The following FLNB variants were observed in gnomAD, a reference collection of about 807,000 sequenced individuals.
FLNB encodes the protein filamin B.
Under a neutral mutation model 250.6 loss-of-function variants are expected in FLNB, and 111 were observed. That is an observed-to-expected ratio of 0.44 (90% CI 0.38 to 0.52). FLNB has a LOEUF of 0.52. FLNB is among the 20% of genes least tolerant of loss of function. FLNB has a pLI of 0.00. For synonymous variants in FLNB, 1,302 were observed against 1,372.1 expected (o/e 0.95, Z 1.13); for missense variants, 2,869 against 3,447.8 (o/e 0.83, Z 4.20).
intron 41 of FLNB, among the ~76,000 whole-genome samples, chr3:58,157,014 C>T (rs113034459): frequency 3.3e-5 from 5 of 152,136 alleles, no homozygotes; most frequent in East Asian, 1.9e-4. Context: ...GTGCCCTTAA[C>T]GGCAACCTCT....
rs146072498 is a variant in FLNB, at chr3:58,062,335, G to A, written c.293-14711G>A. 4.1e-3 allele frequency among the ~76,000 whole-genome samples: 624 copies of A among 152,166 alleles called. 6 individuals carry two copies. Among genetic ancestry groups the A allele is most frequent in the African/African-American group, 0.014 (585 of 41,524 alleles). ...ACATCATAGAAGCCTATTCATATTG[G>A]AACAAACAAACATTTCTTATTCTTT... On this transcript the variant is annotated intron_variant, in intron 1 of 45. Coordinates refer to ENST00000295956, the MANE Select transcript of FLNB (RefSeq NM_001457.4).
intron 1 of FLNB, among the ~76,000 whole-genome samples, chr3:58,069,659 A>G (rs2097191238): frequency 6.6e-6 from 1 of 152,102 alleles, no homozygotes; most frequent in Admixed American, 6.5e-5. Context: ...AGCAACACCA[A>G]GAACCACCTA....
At chr3:58,106,287 A>G (rs1312568546) in intron 11 of FLNB, among the ~76,000 whole-genome samples, 1 of 151,560 alleles carries the variant, frequency 6.6e-6, no homozygotes, top group Non-Finnish European at 1.5e-5. Flanking sequence ...CATCTCCAAC[A>G]GAAGGGTTTG....
chr3:58,033,720 T>C (rs839235), intron 1 of FLNB, among the ~76,000 whole-genome samples: 114,080 of 152,210 alleles, frequency 0.75, 43,787 homozygotes, highest in East Asian at 0.95. Context: ...TGGCTTCTTC[T>C]AGCATAGTTA....
Position 58,148,427 on chromosome 3 carries a change from G to A in FLNB, c.5887+63G>A, listed in dbSNP as rs1353599178. 8 of 1,558,208 alleles carry A rather than the reference G, an allele frequency of 5.1e-6. 1 individual carries two copies. The East Asian group carries it at 1.6e-4, about 32-fold the overall frequency. On this transcript the variant is annotated intron_variant, in intron 35 of 45. Transcript: ENST00000295956. ...TCTTGGGTGGGAGATGGGGACTCTT[G>A]CAGTCCTTTCTTGGGAATGGGTAGC...
intron 1 of FLNB, among the ~76,000 whole-genome samples, chr3:58,027,627 G>C (rs528219896): frequency 2.0e-5 from 3 of 152,292 alleles, no homozygotes; most frequent in Non-Finnish European, 4.4e-5. Flanking sequence ...CATCACTGGG[G>C]CCCTCGCCTG....
rs374007383 is a variant in FLNB, at chr3:58,109,306, C to T, written c.2183C>T (p.Pro728Leu). Reference protein sequence around the residue: ...IAVVWGGVNIPHSPYRVNIGQ... With the variant: ...IAVVWGGVNILHSPYRVNIGQ... ...GTGGTCTGGGGAGGCGTGAACATCC[C>T]GCACAGCCCCTACAGGGTAGGTTGT... is the stretch of plus-strand genomic sequence containing the variant. The change falls in exon 14 of 46, where the codon CCG becomes CTG. Residue 728 changes from proline to leucine, a missense_variant. This residue lies in a region of FLNB where 1,348 missense variants were observed against 1,466.7 expected (regional missense o/e 0.92). Transcript: ENST00000295956. 54 of 1,613,774 alleles carry T rather than the reference C, an allele frequency of 3.3e-5. No individual in the cohort carries two copies. Among genetic ancestry groups the T allele is most frequent in the Middle Eastern group, 1.6e-4 (1 of 6,084 alleles).
intron 42 of FLNB, among the ~76,000 whole-genome samples, chr3:58,161,285 C>T (rs1399790192): frequency 6.6e-6 from 1 of 152,146 alleles, no homozygotes; most frequent in Non-Finnish European, 1.5e-5. Flanking sequence ...CGGAAGATGA[C>T]AGTGCAGTTA....
intron 22 of FLNB, 40 bp from the exon 23 acceptor site, chr3:58,125,541 T>C (rs371291646): frequency 3.7e-6 from 6 of 1,608,074 alleles, no homozygotes; most frequent in Non-Finnish European, 5.1e-6. Flanking sequence ...AATAGGGGAT[T>C]TGTATGCAAA....
chr3:58,127,193 C>T (rs1008395710), intron 24 of FLNB, among the ~76,000 whole-genome samples: 2 of 152,032 alleles, frequency 1.3e-5, no homozygotes, highest in Non-Finnish European at 2.9e-5. Context: ...TGTGATGGTG[C>T]GTGCCTGTAA....
chr3:58,127,604 C>T (rs2097300183), intron 24 of FLNB, among the ~76,000 whole-genome samples: 1 of 152,168 alleles, frequency 6.6e-6, no homozygotes, highest in African/African-American at 2.4e-5. Context: ...CTGCCCTGTA[C>T]CTGCTAGATG....
intron 42 of FLNB, 105 bp downstream of exon 42, chr3:58,159,791 G>T: frequency 1.6e-6 from 2 of 1,226,820 alleles, no homozygotes; most frequent in South Asian, 2.5e-5. Flanking sequence ...ATTACTGCCA[G>T]TGAGCCTCTG....
chr3:58,087,290 A>G (rs1010228557), intron 4 of FLNB, among the ~76,000 whole-genome samples: 1 of 152,144 alleles, frequency 6.6e-6, no homozygotes, highest in African/African-American at 2.4e-5. Flanking sequence ...TTAAGGATAC[A>G]TAGTGATTGT....
chr3:58,105,293 T>G, intron 11 of FLNB, 77 bp downstream of exon 11: 1 of 1,588,180 alleles, frequency 6.3e-7, no homozygotes, highest in Non-Finnish European at 8.6e-7. Context: ...AGGCTGGATG[T>G]TGGGGCCTTG....
At chr3:58,021,373 C>T (rs908875605) in intron 1 of FLNB, among the ~76,000 whole-genome samples, 9 of 152,140 alleles carry the variant, frequency 5.9e-5, no homozygotes, top group African/African-American at 2.2e-4. Flanking sequence ...AAGATTCCCT[C>T]TCAGCAGAGG....
intron 38 of FLNB, chr3:58,152,699 T>A (rs1173121296): frequency 7.8e-7 from 1 of 1,285,678 alleles, no homozygotes; most frequent in Non-Finnish European, 1.0e-6. Context: ...TTCCCTTTTC[T>A]GTCCTCAGGG....
At chr3:58,096,297 T>G (rs1373750267) in intron 6 of FLNB, 79 bp downstream of exon 6, 1 of 1,013,360 alleles carries the variant, frequency 9.9e-7, no homozygotes, top group Non-Finnish European at 1.6e-6. Context: ...GAAGAGTGTT[T>G]TTCTTAAGTG....
intron 1 of FLNB, among the ~76,000 whole-genome samples, chr3:58,057,824 C>T (rs1326180181): frequency 6.6e-6 from 1 of 152,016 alleles, no homozygotes; most frequent in Non-Finnish European, 1.5e-5. Context: ...GAGTTTTGCT[C>T]TTGTTGCTCA....
chr3:58,141,504 G>C (rs542416117), intron 29 of FLNB, among the ~76,000 whole-genome samples: 1 of 152,244 alleles, frequency 6.6e-6, no homozygotes, highest in African/African-American at 2.4e-5. Context: ...AGACTCACCA[G>C]AATTTATTTG....
Sources: gnomAD v4.1 joint callset for allele counts (sites outside exome capture counted in the v4.1 genomes callset) on GRCh38, gnomAD v4.1.1 for gene constraint, gnomAD v4.1.1 regional missense constraint, MANE v1.5 for transcripts, NCBI Gene and HGNC (gene_info 2026-07-23, HGNC 2026-07-21) for gene names.